The following ADAMTSL1 variants were observed in gnomAD, a reference collection of about 807,000 sequenced individuals.
ADAMTSL1 encodes the protein ADAMTS-like protein 1.
A neutral mutation model predicts 201.8 loss-of-function variants in ADAMTSL1; 126 were observed. That is an observed-to-expected ratio of 0.62 (90% confidence interval 0.54 to 0.72). The LOEUF is 0.72. Ranked by LOEUF, ADAMTSL1 falls within the 30% of genes least tolerant of loss-of-function variation. ADAMTSL1 has a pLI of 0.00. For synonymous variants in ADAMTSL1, 1,121 were observed against 903.4 expected, an observed-to-expected ratio of 1.24 and a Z score of -4.32; for missense variants, 2,679 against 2,277.8, an observed-to-expected ratio of 1.18 and a Z score of -3.59.
At chr9:17,995,917 TCTAAA>T (rs1819356890) in intron 1 of ADAMTSL1, among the ~76,000 whole-genome samples, 9 of 151,942 alleles carry the variant, frequency 5.9e-5, no homozygotes, top group Non-Finnish European at 1.2e-4. Flanking sequence ...TTTCCTCATC[TCTAAA>T]ATGACACAGT....
chr9:18,164,814 C>A (rs1827562225), intron 2 of ADAMTSL1, among the ~76,000 whole-genome samples: 1 of 151,936 alleles, frequency 6.6e-6, no homozygotes, highest in African/African-American at 2.4e-5. Context: ...TGACTGCCCT[C>A]TCTCAAGAGT....
At chr9:17,980,362 C>T (rs757582851) in intron 1 of ADAMTSL1, among the ~76,000 whole-genome samples, 9 of 152,072 alleles carry the variant, frequency 5.9e-5, no homozygotes, top group Admixed American at 2.0e-4. Context: ...ATCTTTTTGC[C>T]TCCTGTGTCA....
intron 2 of ADAMTSL1, among the ~76,000 whole-genome samples, chr9:18,184,520 TAA>T (rs1828645984): frequency 6.6e-6 from 1 of 152,170 alleles, no homozygotes; most frequent in Admixed American, 6.5e-5. Flanking sequence ...TTGGAGTGAG[TAA>T]AGAAGGGAAA....
chr9:18,856,460 ATTTTTTT>A (rs398010404), intron 23 of ADAMTSL1, among the ~76,000 whole-genome samples: 1 of 112,014 alleles, frequency 8.9e-6, no homozygotes, highest in African/African-American at 3.4e-5. Context: ...GATAAGAAGG[ATTTTTTT>A]TTTTTTTTTT....
chr9:18,643,429 C>T (rs926482418), intron 7 of ADAMTSL1, among the ~76,000 whole-genome samples: 1 of 151,812 alleles, frequency 6.6e-6, no homozygotes, highest in Non-Finnish European at 1.5e-5. Flanking sequence ...TAATGTAATC[C>T]CATTTATCTA....
At chr9:18,278,136 A>C (rs1035064717) in intron 2 of ADAMTSL1, among the ~76,000 whole-genome samples, 1 of 152,126 alleles carries the variant, frequency 6.6e-6, no homozygotes, top group East Asian at 1.9e-4. Flanking sequence ...ACTATTTTAT[A>C]GTTATTTTTA....
At chr9:18,127,281 C>G (rs1040530035) in intron 1 of ADAMTSL1, among the ~76,000 whole-genome samples, 1 of 152,132 alleles carries the variant, frequency 6.6e-6, no homozygotes, top group African/African-American at 2.4e-5. Context: ...TTGTGATTAA[C>G]TACCTAGACC....
In ADAMTSL1 at chr9:18,601,713, C is replaced by T. The variant is rs1587683975; in HGVS notation, c.475-20530C>T. Among the ~76,000 whole-genome samples the T allele has an allele frequency of 4.6e-5, 7 of 151,886 alleles. No homozygotes were observed. In the South Asian group the frequency reaches 1.2e-3, roughly 27 times the overall value. ...AATATGTGTAGCATATATCATACAT[C>T]ATAAATAATGTATAGTATAATGTAG... On this transcript the variant is annotated intron_variant, in intron 4 of 28. Coordinates refer to ENST00000380548, the MANE Select transcript of ADAMTSL1 (RefSeq NM_001040272.6).
At chr9:18,888,277 A>C (rs890433989) in intron 24 of ADAMTSL1, among the ~76,000 whole-genome samples, 1 of 152,176 alleles carries the variant, frequency 6.6e-6, no homozygotes, top group African/African-American at 2.4e-5. Context: ...TGCCTTCATA[A>C]ATAGGCCCTT....
At chr9:18,870,514 A>G (rs1164682888) in intron 23 of ADAMTSL1, among the ~76,000 whole-genome samples, 2 of 152,004 alleles carry the variant, frequency 1.3e-5, no homozygotes, top group African/African-American at 4.8e-5. Context: ...AATCTAGTAA[A>G]ATTTATGCAG....
chr9:18,503,446 A>G (rs1280565505), intron 1 of ADAMTSL1, among the ~76,000 whole-genome samples: 1 of 76,342 alleles, frequency 1.3e-5, no homozygotes, highest in Non-Finnish European at 3.0e-5. Flanking sequence ...TATATACCAC[A>G]TTTTGTTTAC....
intron 2 of ADAMTSL1, among the ~76,000 whole-genome samples, chr9:18,524,238 G>A (rs558424895): frequency 7.4e-4 from 112 of 152,262 alleles, no homozygotes; most frequent in Non-Finnish European, 7.3e-5. Flanking sequence ...TTGGCTCTCT[G>A]TTTGTCTGTT....
intron 1 of ADAMTSL1, among the ~76,000 whole-genome samples, chr9:17,916,953 A>G (rs1826119445): frequency 6.6e-6 from 1 of 152,210 alleles, no homozygotes; most frequent in Admixed American, 6.5e-5. Flanking sequence ...AGTATTTGGT[A>G]CAATATTTTA....
rs570612166 is a variant in ADAMTSL1, at chr9:18,327,739, AG to A, written c.207+163760del. On this transcript the variant is annotated intron_variant, in intron 2 of 29. Transcript: ENST00000680146. ...GAGCTAATATAAGGGTGATTATAAA[AG>A]GTCTTGACTGAAAGCTTAAAGAGTT... Among the ~76,000 whole-genome samples the A allele has an allele frequency of 2.0e-4, 30 of 152,332 alleles. No homozygotes were observed. In the South Asian group the frequency reaches 5.0e-3, roughly 25 times the overall value.
intron 1 of ADAMTSL1, among the ~76,000 whole-genome samples, chr9:17,963,656 T>C (rs1817848981): frequency 6.6e-6 from 1 of 152,162 alleles, no homozygotes; most frequent in African/African-American, 2.4e-5. Context: ...CGTTTTTTAA[T>C]ACGGTTCACT....
At chr9:18,550,928 CA>C (rs1820764778) in intron 3 of ADAMTSL1, among the ~76,000 whole-genome samples, 1 of 151,846 alleles carries the variant, frequency 6.6e-6, no homozygotes, top group African/African-American at 2.4e-5. Context: ...GATAAGTTTA[CA>C]TTTTTTGGAA....
intron 1 of ADAMTSL1, among the ~76,000 whole-genome samples, chr9:18,001,087 A>G (rs996571026): frequency 6.6e-5 from 10 of 152,076 alleles, no homozygotes; most frequent in Non-Finnish European, 1.5e-4. Context: ...GAATCAGGGA[A>G]GCAAAACCAG....
chr9:18,352,010 A>C (rs991741947), intron 2 of ADAMTSL1, among the ~76,000 whole-genome samples: 1 of 152,188 alleles, frequency 6.6e-6, no homozygotes, highest in Non-Finnish European at 1.5e-5. Context: ...CATGAGAAAT[A>C]ATAGATGGGA....
intron 1 of ADAMTSL1, among the ~76,000 whole-genome samples, chr9:18,139,995 T>C (rs1826329882): frequency 6.6e-6 from 1 of 152,138 alleles, no homozygotes; most frequent in Non-Finnish European, 1.5e-5. Context: ...AATAAAAATT[T>C]GCAATGTATT....
Sources: allele counts gnomAD v4.1 joint callset (sites outside exome capture counted in the v4.1 genomes callset), GRCh38; gene constraint gnomAD v4.1.1; transcripts MANE v1.5; gene names NCBI Gene and HGNC (gene_info 2026-07-23, HGNC 2026-07-21).